The following GNG7 variants were observed in gnomAD, a reference collection of about 807,000 sequenced individuals.
GNG7 encodes guanine nucleotide-binding protein G(I)/G(S)/G(O) subunit gamma-7.
In GNG7, 1 loss-of-function variant was observed where a neutral mutation model predicts 4.0. That is an observed-to-expected ratio of 0.25 (90% confidence interval 0.09 to 1.18). The LOEUF is 1.18. GNG7 is among the 50% of genes most tolerant of loss of function. The pLI is 0.50. For synonymous variants in GNG7, 34 were observed against 36.9 expected (o/e 0.92, Z 0.29); for missense variants, 86 against 91.9 (o/e 0.94, Z 0.26).
At chr19:2,535,711 C>T (rs948563913) in intron 3 of GNG7, among the ~76,000 whole-genome samples, 4 of 152,114 alleles carry the variant, frequency 2.6e-5, no homozygotes, top group Non-Finnish European at 5.9e-5. Flanking sequence ...TTTTTAATGG[C>T]TTCTAGCACC....
At chr19:2,623,700 G>T (rs1196036588) in intron 2 of GNG7, among the ~76,000 whole-genome samples, 1 of 152,196 alleles carries the variant, frequency 6.6e-6, no homozygotes, top group African/African-American at 2.4e-5. Context: ...GGGCAATGTG[G>T]TGAAACCCCA....
intron 3 of GNG7, among the ~76,000 whole-genome samples, chr19:2,531,551 C>T (rs1162217487): frequency 6.6e-6 from 1 of 151,984 alleles, no homozygotes. Flanking sequence ...CGCGGTGGCT[C>T]ACGAGGTCAG....
chr19:2,575,638 G>A (rs1980294621), intron 2 of GNG7, among the ~76,000 whole-genome samples: 1 of 139,174 alleles, frequency 7.2e-6, no homozygotes, highest in Admixed American at 7.4e-5. Flanking sequence ...GGCACACACA[G>A]GCACACGCAG....
At position 2,534,741 on chromosome 19, in the gene GNG7, C is replaced by T. The variant is rs11878893; in HGVS notation, c.-37-14016G>A. 7.1e-3 allele frequency among the ~76,000 whole-genome samples: 1,074 copies of T among 152,284 alleles called. 22 individuals are homozygous for T. Among genetic ancestry groups the T allele is most frequent in the African/African-American group, 0.023 (952 of 41,576 alleles). On this transcript the variant is annotated intron_variant, in intron 3 of 4. Transcript: ENST00000382159. ...GTACAATTGGCAAGCTAGAGAGACACGAGAACTGATAGTTTCTGTCTGAAA... is the reference window on the plus strand; with the variant it reads ...GTACAATTGGCAAGCTAGAGAGACATGAGAACTGATAGTTTCTGTCTGAAA...
In GNG7 at chr19:2,620,185, C is replaced by T. The variant is rs1981828124; in HGVS notation, c.-78+26039G>A. On this transcript the variant is annotated intron_variant, in intron 2 of 4. Coordinates refer to ENST00000382159, the MANE Select transcript of GNG7 (RefSeq NM_052847.3). ...CGCCATAGCACTCCAGCCTGGGCAA[C>T]AAGAGCAAAACTCTGTCTCAAAAAC... Among the ~76,000 whole-genome samples, 3 of 127,060 alleles carry T rather than the reference C, an allele frequency of 2.4e-5. 1 individual carries two copies. Among genetic ancestry groups the T allele is most frequent in the Admixed American group, 2.2e-4 (2 of 9,216 alleles). The allele number at this position is 127,060 out of a possible 152,430, so 83.4% of individuals were successfully genotyped here. A position where few individuals can be genotyped will look rare whatever the true frequency, so the allele number is the denominator to read the frequency against.
chr19:2,528,773 G>A (rs1480927762), intron 3 of GNG7, among the ~76,000 whole-genome samples: 1 of 152,174 alleles, frequency 6.6e-6, no homozygotes, highest in Admixed American at 6.6e-5. Context: ...GACCTCTGTT[G>A]GAATTCTCAG....
chr19:2,568,744 AC>A (rs1599396513), intron 2 of GNG7, among the ~76,000 whole-genome samples: 1 of 151,572 alleles, frequency 6.6e-6, no homozygotes, highest in African/African-American at 2.4e-5. Flanking sequence ...ATACATACAT[AC>A]ACACATACAC....
intron 2 of GNG7, among the ~76,000 whole-genome samples, chr19:2,560,928 G>C (rs1479033820): frequency 6.8e-6 from 1 of 147,782 alleles, no homozygotes; most frequent in Non-Finnish European, 1.5e-5. Context: ...TTGCACTCCA[G>C]CCTGGGCGAC....
In GNG7 at chr19:2,565,422, G is replaced by A. The variant is rs544866398; in HGVS notation, c.-77-10234C>T. ...AGCTACTCAGGAGACTGAGGCAAGA[G>A]AATCACTTGAACCCGAGAGGCGGAG... On this transcript the variant is annotated intron_variant, in intron 2 of 4. Coordinates refer to ENST00000382159, the MANE Select transcript of GNG7 (RefSeq NM_052847.3). Among the ~76,000 whole-genome samples the A allele has an allele frequency of 4.6e-5, 7 of 151,512 alleles. 1 individual carries two copies. The South Asian group carries it at 1.0e-3, about 22-fold the overall frequency.
At chr19:2,569,576 A>G (rs186881320) in intron 2 of GNG7, among the ~76,000 whole-genome samples, 30 of 152,256 alleles carry the variant, frequency 2.0e-4, no homozygotes, top group Non-Finnish European at 4.0e-4. Flanking sequence ...CACCTGGCCA[A>G]TCATCTCCAT....
At chr19:2,632,289 C>T (rs1015610690) in intron 2 of GNG7, among the ~76,000 whole-genome samples, 6 of 151,824 alleles carry the variant, frequency 4.0e-5, no homozygotes, top group South Asian at 2.1e-4. Flanking sequence ...ATTAGCCAGG[C>T]GTGGTGTCAG....
chr19:2,606,710 C>A (rs1009192201), intron 2 of GNG7, among the ~76,000 whole-genome samples: 1 of 150,918 alleles, frequency 6.6e-6, no homozygotes, highest in African/African-American at 2.4e-5. Flanking sequence ...AAAAGTTAGA[C>A]CCTGTCTCAA....
At chr19:2,657,361 A>AAATAT (rs1555701153) in intron 1 of GNG7, among the ~76,000 whole-genome samples, 4 of 16,322 alleles carry the variant, frequency 2.5e-4, no homozygotes, top group African/African-American at 2.9e-4. Context: ...AAAAAAAAAA[A>AAATAT]ATATATATAT....
At chr19:2,625,065 C>T (rs1240788739) in intron 2 of GNG7, among the ~76,000 whole-genome samples, 3 of 152,170 alleles carry the variant, frequency 2.0e-5, no homozygotes, top group African/African-American at 7.2e-5. Flanking sequence ...CCCCTGGGGC[C>T]TCTAGACCTC....
intron 2 of GNG7, among the ~76,000 whole-genome samples, chr19:2,641,435 C>A (rs1205568608): frequency 6.6e-6 from 1 of 151,134 alleles, no homozygotes. Flanking sequence ...TCATAGCGTC[C>A]TCAGGAGAAG....
intron 2 of GNG7, among the ~76,000 whole-genome samples, chr19:2,563,216 G>A (rs1175796568): frequency 6.6e-6 from 1 of 151,980 alleles, no homozygotes; most frequent in African/African-American, 2.4e-5. Context: ...CCAAAGTGCT[G>A]GGATTACAGG....
rs189219479 is a variant in GNG7 at position 2,687,798 on chromosome 19, A to G, written c.-135+14848T>C. Among the ~76,000 whole-genome samples, 797 of 151,212 alleles carry G rather than the reference A, an allele frequency of 5.3e-3. 1 individual carries two copies. The highest frequency in any genetic ancestry group is 7.1e-3 in the Non-Finnish European group (485 of 67,852). ...AGACCAGCCTGGCCAACACGGCGAA[A>G]CCCCATCTCTACTAAAAATACAAAA... is the stretch of plus-strand genomic sequence containing the variant. On this transcript the variant is annotated intron_variant, in intron 1 of 4. Transcript: ENST00000382159.
At chr19:2,602,719 C>A (rs142767280) in intron 2 of GNG7, among the ~76,000 whole-genome samples, 1 of 152,198 alleles carries the variant, frequency 6.6e-6, no homozygotes, top group Non-Finnish European at 1.5e-5. Flanking sequence ...GGAAGCCAAT[C>A]TCGGGCTGGG....
chr19:2,548,438 G>A (rs1348420244), intron 3 of GNG7, among the ~76,000 whole-genome samples: 5 of 137,456 alleles, frequency 3.6e-5, no homozygotes, highest in Non-Finnish European at 6.1e-5. Context: ...TTGAGATCGC[G>A]CCATTGCACT....
Sources: gnomAD v4.1 joint callset for allele counts (sites outside exome capture counted in the v4.1 genomes callset) on GRCh38, gnomAD v4.1.1 for gene constraint, MANE v1.5 for transcripts, NCBI Gene and HGNC (gene_info 2026-07-23, HGNC 2026-07-21) for gene names.